The following ENOX1 variants were observed in gnomAD, a reference collection of about 807,000 sequenced individuals.
The protein encoded by ENOX1 is candidate growth-related and time keeping constitutive hydroquinone (NADH) oxidase.
ENOX1 carries 42 observed loss-of-function variants against 82.5 expected under a neutral mutation model. That is an observed-to-expected ratio of 0.51 (90% confidence interval 0.40 to 0.66). The LOEUF (loss-of-function observed/expected upper bound fraction) is 0.66. Among genes scored for constraint, ENOX1 ranks in the 30% least tolerant of loss-of-function variants. The pLI is 0.00. For synonymous variants in ENOX1, 271 were observed against 282.2 expected (o/e 0.96, Z 0.40); for missense variants, 608 against 811.6 (o/e 0.75, Z 3.05).
At chr13:43,513,545 T>A (rs2077449352) in intron 2 of ENOX1, among the ~76,000 whole-genome samples, 1 of 152,164 alleles carries the variant, frequency 6.6e-6, no homozygotes, top group Non-Finnish European at 1.5e-5. Flanking sequence ...AATAAAACTA[T>A]TATTCCATTA....
chr13:43,569,349 G>A (rs748753064), intron 2 of ENOX1, among the ~76,000 whole-genome samples: 1 of 152,176 alleles, frequency 6.6e-6, no homozygotes, highest in Non-Finnish European at 1.5e-5. Flanking sequence ...TGAATGGATG[G>A]TAGGTAGGTA....
chr13:43,309,462 C>G (rs1319072615), intron 11 of ENOX1, among the ~76,000 whole-genome samples: 1 of 152,154 alleles, frequency 6.6e-6, no homozygotes, highest in Non-Finnish European at 1.5e-5. Flanking sequence ...AAGAGAGTAT[C>G]ATAGTGAGCT....
At chr13:43,570,436 G>A (rs925117885) in intron 2 of ENOX1, among the ~76,000 whole-genome samples, 37 of 152,302 alleles carry the variant, frequency 2.4e-4, no homozygotes, top group African/African-American at 8.4e-4. Context: ...TGAAGAACAT[G>A]TGGATAGATG....
At chr13:43,295,799 A>T (rs9567145) in intron 12 of ENOX1, among the ~76,000 whole-genome samples, 1 of 151,980 alleles carries the variant, frequency 6.6e-6, no homozygotes, top group East Asian at 1.9e-4. Context: ...TCATTTATTC[A>T]TACAAGGTAG....
At chr13:43,470,222 GTGTA>G (rs2057932873) in intron 3 of ENOX1, among the ~76,000 whole-genome samples, 2 of 95,072 alleles carry the variant, frequency 2.1e-5, no homozygotes, top group African/African-American at 3.3e-5. Flanking sequence ...ATATATGTGT[GTGTA>G]TGTGTGTGTG....
chr13:43,494,953 C>T (rs1367232250), intron 2 of ENOX1, among the ~76,000 whole-genome samples: 1 of 151,916 alleles, frequency 6.6e-6, no homozygotes, highest in East Asian at 1.9e-4. Context: ...ATATTTTGAG[C>T]CTAGGTGTGG....
At chr13:43,559,664 G>A (rs2079585143) in intron 2 of ENOX1, among the ~76,000 whole-genome samples, 2 of 152,144 alleles carry the variant, frequency 1.3e-5, no homozygotes, top group South Asian at 4.1e-4. Context: ...TATCAACTCA[G>A]TTGCAAAAGA....
intron 11 of ENOX1, 80 bp downstream of exon 11, chr13:43,322,304 G>C (rs1248613227): frequency 1.1e-5 from 12 of 1,045,024 alleles, no homozygotes. Context: ...GTGAGTTATA[G>C]GGCCATTTAC....
chr13:43,701,498 T>C (rs937624165), intron 1 of ENOX1, among the ~76,000 whole-genome samples: 1 of 152,220 alleles, frequency 6.6e-6, no homozygotes, highest in African/African-American at 2.4e-5. Flanking sequence ...TTATTGTGTG[T>C]ATACCTTAGT....
intron 3 of ENOX1, among the ~76,000 whole-genome samples, chr13:43,456,262 T>A (rs1200545426): frequency 6.6e-6 from 1 of 152,092 alleles, no homozygotes; most frequent in Admixed American, 6.5e-5. Flanking sequence ...TATATTTTAT[T>A]CTATATTTTA....
intron 2 of ENOX1, among the ~76,000 whole-genome samples, chr13:43,596,021 T>C (rs1297319922): frequency 6.6e-6 from 1 of 152,254 alleles, no homozygotes; most frequent in Admixed American, 6.5e-5. Context: ...AGTTTTCATA[T>C]ACGGCTTAAA....
At chr13:43,277,155 C>T (rs914015444) in intron 12 of ENOX1, among the ~76,000 whole-genome samples, 1 of 152,224 alleles carries the variant, frequency 6.6e-6, no homozygotes, top group African/African-American at 2.4e-5. Flanking sequence ...CTAGGCTATA[C>T]ATATTTAATT....
At chr13:43,704,956 C>T (rs941169185) in intron 1 of ENOX1, among the ~76,000 whole-genome samples, 3 of 152,030 alleles carry the variant, frequency 2.0e-5, no homozygotes, top group African/African-American at 7.2e-5. Context: ...TTCCTTACAA[C>T]TAAAGGCAAA....
chr13:43,637,756 G>A (rs1370881966), intron 2 of ENOX1, among the ~76,000 whole-genome samples: 5 of 152,002 alleles, frequency 3.3e-5, no homozygotes, highest in Non-Finnish European at 7.4e-5. Flanking sequence ...ATTAAAAACA[G>A]CTGTCCCAAA....
intron 14 of ENOX1, among the ~76,000 whole-genome samples, chr13:43,239,094 T>C (rs899420398): frequency 2.0e-5 from 3 of 152,092 alleles, no homozygotes; most frequent in African/African-American, 7.2e-5. Context: ...GACTCTTGCT[T>C]TGGTGATGTT....
intron 2 of ENOX1, among the ~76,000 whole-genome samples, chr13:43,489,697 G>A (rs11147912): frequency 1.3e-5 from 2 of 152,068 alleles, no homozygotes; most frequent in Non-Finnish European, 2.9e-5. Flanking sequence ...TCCAGCCCGC[G>A]AGAGCTGCTT....
chr13:43,334,013 T>G (rs1485812126), intron 9 of ENOX1, among the ~76,000 whole-genome samples: 2 of 152,220 alleles, frequency 1.3e-5, no homozygotes, highest in Non-Finnish European at 2.9e-5. Context: ...GTGTGGCCCC[T>G]GGACCAGCAT....
intron 2 of ENOX1, among the ~76,000 whole-genome samples, chr13:43,667,206 T>G (rs1383637286): frequency 6.6e-6 from 1 of 152,202 alleles, no homozygotes; most frequent in Non-Finnish European, 1.5e-5. Context: ...TGGTAGTACC[T>G]TTATGAAAAC....
chr13:43,709,520 G>A (rs2087543578), intron 1 of ENOX1, among the ~76,000 whole-genome samples: 1 of 151,558 alleles, frequency 6.6e-6, no homozygotes, highest in South Asian at 2.1e-4. Context: ...GTAACAAATT[G>A]AAACACAAAA....
Sources: gnomAD v4.1 joint callset for allele counts (sites outside exome capture counted in the v4.1 genomes callset) on GRCh38, gnomAD v4.1.1 for gene constraint, MANE v1.5 for transcripts, NCBI Gene and HGNC (gene_info 2026-07-23, HGNC 2026-07-21) for gene names.